MAN2B2: variants seen among roughly 807,000 people sequenced by gnomAD.
MAN2B2 encodes epididymis-specific alpha-mannosidase.
In MAN2B2, 106 loss-of-function variants were observed where a neutral mutation model predicts 117.1. The observed-to-expected ratio is 0.90, with a 90% confidence interval of 0.77 to 1.06. MAN2B2 has a LOEUF of 1.06. Among genes scored for constraint, MAN2B2 ranks in the 50% least tolerant of loss-of-function variants. The pLI is 0.00. For missense variants in MAN2B2, 1,326 were observed against 1,381.4 expected (o/e 0.96, Z 0.64); for synonymous variants, 544 against 595.1 (o/e 0.91, Z 1.25).
At chr4:6,594,860 G>C (rs1050255243) in intron 7 of MAN2B2, 128 bp downstream of exon 7, 9 of 982,802 alleles carry the variant, frequency 9.2e-6, no homozygotes, top group African/African-American at 1.6e-5. Flanking sequence ...GGCAGGTTCT[G>C]TGTGGGGCGC....
chr4:6,609,655 A>G, intron 12 of MAN2B2, 143 bp from the exon 13 acceptor site: 1 of 1,050,790 alleles, frequency 9.5e-7, no homozygotes, highest in Non-Finnish European at 1.4e-6. Flanking sequence ...GGGTGGTGCT[A>G]TTGTCCACAT....
Position 6,593,324 on chromosome 4 carries a change from C to A in MAN2B2, c.832C>A (p.Arg278=), listed in dbSNP as rs769800406. ...ANVKQRAAWF[R]TPHVLWPWGC... ...CGTGAAGCAGAGGGCCGCCTGGTTC[C>A]GGACACCGCACGTCCTCTGGCCCTG... Residue 278 remains arginine, a synonymous_variant, in exon 6 of 19, where the codon CGG becomes AGG. Transcript: ENST00000285599. 3 of 1,613,306 alleles carry A rather than the reference C, an allele frequency of 1.9e-6. No homozygotes were observed.
intron 1 of MAN2B2, among the ~76,000 whole-genome samples, chr4:6,575,842 G>C (rs1370352278): frequency 6.6e-6 from 1 of 152,224 alleles, no homozygotes; most frequent in Non-Finnish European, 1.5e-5. Flanking sequence ...TGGTCCCTAA[G>C]CCTCAGTTTC....
chr4:6,578,935 C>T (rs1726172939), intron 3 of MAN2B2, among the ~76,000 whole-genome samples: 1 of 151,740 alleles, frequency 6.6e-6, no homozygotes, highest in South Asian at 2.1e-4. Flanking sequence ...TTACCACCTT[C>T]AGCACCATAA....
chr4:6,621,082 G>C lies in MAN2B2; in HGVS notation c.2933-106G>C, dbSNP rs890715119. The C allele has an allele frequency of 2.7e-5, 21 of 763,798 alleles. No individual in the cohort carries two copies. The Middle Eastern group carries it at 7.6e-4, about 28-fold the overall frequency. The allele number at this position is 763,798 out of a possible 1,614,324, so 47.3% of individuals were successfully genotyped here. A position where few individuals can be genotyped will look rare whatever the true frequency, so the allele number is the denominator to read the frequency against. On this transcript the variant is annotated intron_variant, in intron 18 of 18. Coordinates refer to ENST00000285599, the MANE Select transcript of MAN2B2 (RefSeq NM_015274.3). ...TGTAGACAGGTGCAGGAGGGTGAGA[G>C]GGAGGCTGGGAGCCACAGCAGACTG...
chr4:6,619,889 T>C, intron 17 of MAN2B2, 38 bp from the exon 18 acceptor site: 1 of 1,575,728 alleles, frequency 6.3e-7, no homozygotes, highest in Non-Finnish European at 8.7e-7. Context: ...CTCTGGAACT[T>C]GGTGCAGCTC....
intron 3 of MAN2B2, among the ~76,000 whole-genome samples, chr4:6,582,406 T>C (rs1331310869): frequency 6.6e-6 from 1 of 152,144 alleles, no homozygotes; most frequent in Non-Finnish European, 1.5e-5. Context: ...TGGCGCAATC[T>C]CGGCTCACTG....
chr4:6,590,104 G>T (rs1298902014), intron 5 of MAN2B2, among the ~76,000 whole-genome samples: 2 of 150,220 alleles, frequency 1.3e-5, no homozygotes, highest in African/African-American at 2.5e-5. Flanking sequence ...GGGCACAGTA[G>T]CTCATGCCTG....
chr4:6,599,561 G>T (rs1032277607), intron 9 of MAN2B2, among the ~76,000 whole-genome samples: 1 of 152,022 alleles, frequency 6.6e-6, no homozygotes, highest in Non-Finnish European at 1.5e-5. Flanking sequence ...CTACTCAGGG[G>T]CTGAGGCAGG....
At chr4:6,613,641 AAAG>A (rs1351572232) in intron 15 of MAN2B2, among the ~76,000 whole-genome samples, 8 of 142,164 alleles carry the variant, frequency 5.6e-5, no homozygotes, top group Non-Finnish European at 1.1e-4. Flanking sequence ...AGGGGAGGGA[AAAG>A]AAGAGAGGGA....
At chr4:6,579,538 G>A (rs62637152) in intron 3 of MAN2B2, among the ~76,000 whole-genome samples, 48,313 of 143,326 alleles carry the variant, frequency 0.34, 9,113 homozygotes, top group East Asian at 0.61. Context: ...CTTCACCACT[G>A]CTATGACCAC....
chr4:6,581,852 G>A (rs183391869), intron 3 of MAN2B2, among the ~76,000 whole-genome samples: 64 of 152,000 alleles, frequency 4.2e-4, no homozygotes, highest in African/African-American at 1.4e-3. Context: ...TCCTGCTCCC[G>A]GCAGTCACGC....
chr4:6,579,262 CCACCACCAT>C (rs1726286307), intron 3 of MAN2B2, among the ~76,000 whole-genome samples: 2 of 89,434 alleles, frequency 2.2e-5, no homozygotes, highest in South Asian at 4.4e-4. Flanking sequence ...ACCATCACCA[CCACCACCAT>C]CACCACCACC....
At chr4:6,611,031 C>T (rs764725446) in intron 14 of MAN2B2, 41 bp downstream of exon 14, 3 of 1,612,830 alleles carry the variant, frequency 1.9e-6, no homozygotes, top group African/African-American at 2.7e-5. Flanking sequence ...CCTCGCGGCC[C>T]CCTACAGGCA....
Position 6,580,080 on chromosome 4 carries a change from G to A in MAN2B2, c.391+1582G>A, listed in dbSNP as rs1349529919. On this transcript the variant is annotated intron_variant, in intron 3 of 18. Coordinates refer to ENST00000285599, the MANE Select transcript of MAN2B2 (RefSeq NM_015274.3). ...AAACATCCAGGCAGAGAGCAATGTT[G>A]TCAAAGGATGTTTTTGGCACTCTCC... Among the ~76,000 whole-genome samples, 5 of 152,222 alleles carry A rather than the reference G, an allele frequency of 3.3e-5. No individual in the cohort carries two copies. In the East Asian group the frequency reaches 9.6e-4, roughly 29 times the overall value.
chr4:6,577,576 C>A (rs1412136316), intron 2 of MAN2B2, among the ~76,000 whole-genome samples: 2 of 152,222 alleles, frequency 1.3e-5, no homozygotes. Context: ...AAGAGACATT[C>A]CAGGTTCAGA....
intron 9 of MAN2B2, 111 bp downstream of exon 9, chr4:6,598,465 A>G (rs1727197693): frequency 2.5e-6 from 3 of 1,180,150 alleles, no homozygotes; most frequent in African/African-American, 1.5e-5. Context: ...CACATCACCC[A>G]TATCGCCCTT....
At chr4:6,612,537 C>A (rs746116148) in intron 15 of MAN2B2, among the ~76,000 whole-genome samples, 54 of 152,230 alleles carry the variant, frequency 3.5e-4, no homozygotes, top group Non-Finnish European at 6.9e-4. Flanking sequence ...TGGGGCAGGG[C>A]AGCTCTAGGC....
At chr4:6,599,612 G>A (rs1182504428) in intron 9 of MAN2B2, among the ~76,000 whole-genome samples, 5 of 149,420 alleles carry the variant, frequency 3.3e-5, no homozygotes, top group Non-Finnish European at 7.4e-5. Flanking sequence ...GCAGTGAGCC[G>A]AGATCGCACC....
Sources: gnomAD v4.1 joint callset for allele counts (sites outside exome capture counted in the v4.1 genomes callset) on GRCh38, gnomAD v4.1.1 for gene constraint, MANE v1.5 for transcripts, NCBI Gene and HGNC (gene_info 2026-07-23, HGNC 2026-07-21) for gene names.